The following ENOX1 variants were observed in gnomAD, a reference collection of about 807,000 sequenced individuals.
The protein encoded by ENOX1 is ecto-NOX disulfide-thiol exchanger 1.
In ENOX1, 42 loss-of-function variants were observed where a neutral mutation model predicts 82.5. The ratio of observed to expected loss-of-function variants is 0.51; its 90% confidence interval spans 0.40 to 0.66. The LOEUF (loss-of-function observed/expected upper bound fraction) is 0.66, where lower values mean the gene tolerates loss of function less well. Ranked by LOEUF, ENOX1 falls within the 30% of genes least tolerant of loss-of-function variation. ENOX1 has a pLI of 0.00. For missense variants in ENOX1, 608 were observed against 811.6 expected, an observed-to-expected ratio of 0.75 and a Z score of 3.05; for synonymous variants, 271 against 282.2, an observed-to-expected ratio of 0.96 and a Z score of 0.40.
At chr13:43,780,011 A>C (rs1952167530) in intron 1 of ENOX1, among the ~76,000 whole-genome samples, 1 of 152,050 alleles carries the variant, frequency 6.6e-6, no homozygotes, top group African/African-American at 2.4e-5. Context: ...AATACAAAAA[A>C]TTAGCTGGGC....
At chr13:43,447,391 C>A (rs530677873) in intron 3 of ENOX1, among the ~76,000 whole-genome samples, 2 of 152,212 alleles carry the variant, frequency 1.3e-5, no homozygotes, top group African/African-American at 4.8e-5. Flanking sequence ...ACTAAAGGAT[C>A]AGCTTGGTTG....
chr13:43,740,365 C>T (rs2089844934), intron 1 of ENOX1, among the ~76,000 whole-genome samples: 1 of 151,670 alleles, frequency 6.6e-6, no homozygotes, highest in Non-Finnish European at 1.5e-5. Context: ...TTTTTAACAC[C>T]TTTACTGAGA....
intron 5 of ENOX1, among the ~76,000 whole-genome samples, chr13:43,402,467 T>C (rs1009312237): frequency 1.3e-5 from 2 of 152,182 alleles, no homozygotes; most frequent in Non-Finnish European, 2.9e-5. Context: ...CCAGCTTTAA[T>C]GATAGAGGAA....
intron 11 of ENOX1, among the ~76,000 whole-genome samples, chr13:43,306,958 T>C (rs1476454782): frequency 6.6e-6 from 1 of 152,264 alleles, no homozygotes; most frequent in Non-Finnish European, 1.5e-5. Flanking sequence ...GTTCTATGCA[T>C]TGCTCTTTGC....
chr13:43,526,092 G>A (rs936164371), intron 2 of ENOX1, among the ~76,000 whole-genome samples: 1 of 152,182 alleles, frequency 6.6e-6, no homozygotes, highest in Admixed American at 6.6e-5. Flanking sequence ...CAGGCTGGAT[G>A]GTTAAAGTTT....
chr13:43,525,262 C>T (rs996030256), intron 2 of ENOX1, among the ~76,000 whole-genome samples: 2 of 152,070 alleles, frequency 1.3e-5, no homozygotes, highest in African/African-American at 2.4e-5. Flanking sequence ...ACAATAACTC[C>T]CCATTCTTCC....
intron 14 of ENOX1, among the ~76,000 whole-genome samples, chr13:43,239,428 T>C (rs917170411): frequency 6.6e-6 from 1 of 152,204 alleles, no homozygotes; most frequent in African/African-American, 2.4e-5. Flanking sequence ...AGTGGTACAG[T>C]ATCATTGAAG....
intron 11 of ENOX1, among the ~76,000 whole-genome samples, chr13:43,316,866 C>T (rs777127774): frequency 5.3e-5 from 8 of 152,130 alleles, no homozygotes; most frequent in Non-Finnish European, 8.8e-5. Context: ...GCTACTCAGC[C>T]CACCTTGCAA....
intron 2 of ENOX1, among the ~76,000 whole-genome samples, chr13:43,485,016 C>T (rs1380604906): frequency 6.6e-6 from 1 of 152,296 alleles, no homozygotes; most frequent in East Asian, 1.9e-4. Context: ...ACAGTTCCTC[C>T]ACTGTCCTGA....
intron 11 of ENOX1, among the ~76,000 whole-genome samples, chr13:43,308,732 T>C (rs7327070): frequency 0.95 from 145,200 of 152,298 alleles, 69,631 homozygotes; most frequent in East Asian, 1. Flanking sequence ...GGTATGTGTA[T>C]AAAGTTTCCC....
intron 3 of ENOX1, among the ~76,000 whole-genome samples, chr13:43,440,058 C>T (rs1303618586): frequency 6.6e-6 from 1 of 152,154 alleles, no homozygotes; most frequent in Admixed American, 6.5e-5. Flanking sequence ...CAGCCCCTTA[C>T]ATCAGCAAAT....
intron 2 of ENOX1, among the ~76,000 whole-genome samples, chr13:43,559,523 T>G (rs1303569881): frequency 6.6e-6 from 1 of 152,178 alleles, no homozygotes; most frequent in Non-Finnish European, 1.5e-5. Flanking sequence ...TCAGGCAGAT[T>G]AGATGACTTC....
intron 2 of ENOX1, among the ~76,000 whole-genome samples, chr13:43,654,930 G>A (rs564378320): frequency 1.6e-4 from 24 of 152,266 alleles, no homozygotes; most frequent in Non-Finnish European, 2.9e-4. Flanking sequence ...AATTCCATGA[G>A]TTTAATGCCA....
chr13:43,494,092 C>T (rs9594957), intron 2 of ENOX1, among the ~76,000 whole-genome samples: 33,427 of 151,992 alleles, frequency 0.22, 4,004 homozygotes, highest in Middle Eastern at 0.29. Context: ...TGATTCAATT[C>T]CCTCCATCTG....
intron 3 of ENOX1, among the ~76,000 whole-genome samples, chr13:43,468,416 C>T (rs550614480): frequency 2.9e-4 from 44 of 151,968 alleles, no homozygotes; most frequent in African/African-American, 9.9e-4. Flanking sequence ...CTCTTGACCT[C>T]GTGATCTGCC....
At chr13:43,778,123 T>C (rs908873589) in intron 1 of ENOX1, among the ~76,000 whole-genome samples, 5 of 152,232 alleles carry the variant, frequency 3.3e-5, no homozygotes, top group African/African-American at 4.8e-5. Context: ...TGGGTTACTA[T>C]TGTTTGATTA....
intron 15 of ENOX1, among the ~76,000 whole-genome samples, chr13:43,226,736 G>A (rs1306030044): frequency 1.3e-5 from 2 of 152,172 alleles, no homozygotes; most frequent in Non-Finnish European, 2.9e-5. Flanking sequence ...AGGTGAGGGG[G>A]TGCTCCTAGT....
At chr13:43,669,779 C>T (rs970745003) in intron 1 of ENOX1, among the ~76,000 whole-genome samples, 2 of 152,046 alleles carry the variant, frequency 1.3e-5, no homozygotes, top group Non-Finnish European at 2.9e-5. Context: ...TGGGAGTTCT[C>T]GGATTCTCCT....
intron 12 of ENOX1, among the ~76,000 whole-genome samples, chr13:43,275,155 T>C (rs2044931607): frequency 6.6e-6 from 1 of 152,182 alleles, no homozygotes; most frequent in Admixed American, 6.5e-5. Flanking sequence ...ATCTAAACAT[T>C]CATCATTTCC....
Sources: gnomAD v4.1 joint callset for allele counts (sites outside exome capture counted in the v4.1 genomes callset) on GRCh38, gnomAD v4.1.1 for gene constraint, MANE v1.5 for transcripts, NCBI Gene and HGNC (gene_info 2026-07-23, HGNC 2026-07-21) for gene names.